The following GALNT13 variants were observed in gnomAD, a reference collection of about 807,000 sequenced individuals.
GALNT13 encodes the protein polypeptide N-acetylgalactosaminyltransferase 13.
Under a neutral mutation model 64.2 loss-of-function variants are expected in GALNT13, and 28 were observed. The ratio of observed to expected loss-of-function variants is 0.44; its 90% CI spans 0.32 to 0.60. The LOEUF is 0.60. Ranked by LOEUF, GALNT13 falls within the 20% of genes least tolerant of loss-of-function variation. The pLI is 0.05. For synonymous variants in GALNT13, 214 were observed against 224.6 expected (o/e 0.95, Z 0.42); for missense variants, 577 against 669.8 (o/e 0.86, Z 1.53).
At chr2:153,252,010 G>T in the GALNT13 span, among the ~76,000 whole-genome samples, 1 of 151,392 alleles carries the variant, frequency 6.6e-6, no homozygotes, top group Admixed American at 6.6e-5. Context: ...TGGGTCAAAT[G>T]GTATTTCTAG....
At chr2:153,535,762 C>T in the GALNT13 span, among the ~76,000 whole-genome samples, 5 of 151,880 alleles carry the variant, frequency 3.3e-5, no homozygotes, top group East Asian at 1.9e-4. Context: ...TTCTTGAAGA[C>T]GGAGGACCAT....
chr2:153,298,618 T>A, the GALNT13 span, among the ~76,000 whole-genome samples: 1 of 152,218 alleles, frequency 6.6e-6, no homozygotes, highest in Admixed American at 6.5e-5. Flanking sequence ...TCCTTACCCT[T>A]GATAACAAGA....
Position 154,452,561 on chromosome 2 carries a change from C to T in GALNT13, c.*2010C>T, listed in dbSNP as rs1156349367. 6.6e-6 allele frequency: 1 copy of T among 152,116 alleles called. No homozygotes were observed. The highest frequency in any genetic ancestry group is 1.5e-5 in the Non-Finnish European group (1 of 68,010). 9.4% of individuals were successfully genotyped at this position (152,116 alleles called of 1,614,324 possible). On this transcript the variant is annotated 3_prime_UTR_variant, in exon 13 of 13. Transcript: ENST00000392825. ...ATGTTATGTAGAAAATGGTCAATGG[C>T]AAATTTTTATAAATACAGCTACCCC...
chr2:153,360,215 A>G, the GALNT13 span, among the ~76,000 whole-genome samples: 1 of 152,120 alleles, frequency 6.6e-6, no homozygotes, highest in South Asian at 2.1e-4. Context: ...CCCCCAGCCA[A>G]GGGAGGTGGT....
the GALNT13 span, among the ~76,000 whole-genome samples, chr2:153,212,019 A>C: frequency 6.6e-6 from 1 of 152,216 alleles, no homozygotes; most frequent in South Asian, 2.1e-4. Flanking sequence ...AAAAAGCAGA[A>C]TTTACAGAAG....
At chr2:153,921,138 G>T (rs991213295) in intron 2 of GALNT13, among the ~76,000 whole-genome samples, 9 of 152,038 alleles carry the variant, frequency 5.9e-5, no homozygotes, top group Admixed American at 1.3e-4. Flanking sequence ...ATATCCAAAA[G>T]AATATAAATC....
chr2:154,211,332 A>T (rs1446905333), intron 4 of GALNT13, among the ~76,000 whole-genome samples: 1 of 152,012 alleles, frequency 6.6e-6, no homozygotes, highest in East Asian at 1.9e-4. Context: ...TACACATAGA[A>T]AAAGGTACAG....
chr2:154,381,066 A>G (rs1436967236), intron 9 of GALNT13, among the ~76,000 whole-genome samples: 1 of 151,924 alleles, frequency 6.6e-6, no homozygotes, highest in Non-Finnish European at 1.5e-5. Context: ...TTTTTGTCCT[A>G]TTTTCTGGAT....
chr2:153,543,208 T>C, the GALNT13 span, among the ~76,000 whole-genome samples: 189 of 152,076 alleles, frequency 1.2e-3, no homozygotes, highest in African/African-American at 4.2e-3. Flanking sequence ...GGTTGAACAG[T>C]TGAACAGAGG....
chr2:154,013,800 G>T (rs1039402379), intron 3 of GALNT13, among the ~76,000 whole-genome samples: 4 of 152,160 alleles, frequency 2.6e-5, no homozygotes, highest in Non-Finnish European at 2.9e-5. Context: ...GTAGGAAGAG[G>T]GTTGGCGAGG....
the GALNT13 span, among the ~76,000 whole-genome samples, chr2:153,468,562 C>T: frequency 6.6e-6 from 1 of 152,012 alleles, no homozygotes; most frequent in African/African-American, 2.4e-5. Flanking sequence ...TTTCAATTTT[C>T]AAGTTTTCAG....
chr2:153,394,439 G>T, the GALNT13 span, among the ~76,000 whole-genome samples: 1 of 152,048 alleles, frequency 6.6e-6, no homozygotes. Context: ...TTGCTTAATT[G>T]TCCAGTTGAC....
chr2:153,660,909 G>A, the GALNT13 span, among the ~76,000 whole-genome samples: 1 of 152,106 alleles, frequency 6.6e-6, no homozygotes, highest in Non-Finnish European at 1.5e-5. Context: ...CAATGGGATG[G>A]GACAGCATTG....
At chr2:153,260,761 A>G in the GALNT13 span, among the ~76,000 whole-genome samples, 1 of 152,084 alleles carries the variant, frequency 6.6e-6, no homozygotes, top group Non-Finnish European at 1.5e-5. Flanking sequence ...GTTTTCTGTT[A>G]TTATCTATTT....
chr2:153,270,465 A>G, the GALNT13 span, among the ~76,000 whole-genome samples: 4 of 152,216 alleles, frequency 2.6e-5, no homozygotes, highest in African/African-American at 9.6e-5. Context: ...AAACATAGGC[A>G]GTTTGACTTC....
At chr2:153,106,890 G>A in the GALNT13 span, among the ~76,000 whole-genome samples, 2 of 152,094 alleles carry the variant, frequency 1.3e-5, no homozygotes, top group Non-Finnish European at 2.9e-5. Context: ...TGTTTAAATT[G>A]TGCTTATAAT....
At chr2:153,899,409 G>A (rs1462937681) in intron 1 of GALNT13, among the ~76,000 whole-genome samples, 1 of 152,192 alleles carries the variant, frequency 6.6e-6, no homozygotes, top group Non-Finnish European at 1.5e-5. Context: ...TGAATTATAT[G>A]TGAAGAAGAA....
chr2:153,973,142 T>C (rs6753996), intron 3 of GALNT13, among the ~76,000 whole-genome samples: 116,086 of 151,756 alleles, frequency 0.76, 44,801 homozygotes, highest in East Asian at 0.96. Flanking sequence ...AATAGAGATA[T>C]GAGGAAAGTA....
At chr2:153,314,728 CAAAAT>C in the GALNT13 span, among the ~76,000 whole-genome samples, 1 of 151,360 alleles carries the variant, frequency 6.6e-6, no homozygotes, top group East Asian at 1.9e-4. Context: ...TTGAGATAAA[CAAAAT>C]AAAAATACAA....
Sources: allele counts gnomAD v4.1 joint callset (sites outside exome capture counted in the v4.1 genomes callset), GRCh38; gene constraint gnomAD v4.1.1; transcripts MANE v1.5; gene names NCBI Gene and HGNC (gene_info 2026-07-23, HGNC 2026-07-21).